SERPINE2: variants seen among roughly 807,000 people sequenced by gnomAD.
The protein encoded by SERPINE2 is glia-derived nexin.
SERPINE2 carries 14 observed loss-of-function variants against 36.3 expected under a neutral mutation model. That is an observed-to-expected ratio of 0.39 (90% CI 0.25 to 0.60). The LOEUF is 0.60. Among genes scored for constraint, SERPINE2 ranks in the 20% least tolerant of loss-of-function variants. SERPINE2 has a pLI of 0.57. For missense variants in SERPINE2, 418 were observed against 499.6 expected, an observed-to-expected ratio of 0.84 and a Z score of 1.56; for synonymous variants, 192 against 191.8, an observed-to-expected ratio of 1.00 and a Z score of -0.01.
At chr2:224,012,351 T>C (rs1691658742) in intron 1 of SERPINE2, among the ~76,000 whole-genome samples, 1 of 152,142 alleles carries the variant, frequency 6.6e-6, no homozygotes, top group Admixed American at 6.6e-5. Context: ...TAAGAACCTA[T>C]CTCTGAAGAA....
At chr2:223,999,269 C>T (rs999252363) in intron 2 of SERPINE2, among the ~76,000 whole-genome samples, 1 of 152,058 alleles carries the variant, frequency 6.6e-6, no homozygotes, top group African/African-American at 2.4e-5. Flanking sequence ...CATACATGCT[C>T]CATTTAGTTT....
chr2:224,023,798 C>G (rs1692090134), intron 1 of SERPINE2, among the ~76,000 whole-genome samples: 1 of 152,196 alleles, frequency 6.6e-6, no homozygotes, highest in African/African-American at 2.4e-5. Context: ...AATCCTGTGA[C>G]ACTGGGTAGA....
chr2:223,981,117 T>A (rs985866636), intron 6 of SERPINE2: 1 of 152,136 alleles, frequency 6.6e-6, no homozygotes, highest in African/African-American at 2.4e-5. Flanking sequence ...GGGACATAGG[T>A]CTGGATGCAA....
chr2:224,023,466 A>G (rs191930684), intron 1 of SERPINE2, among the ~76,000 whole-genome samples: 1 of 152,318 alleles, frequency 6.6e-6, no homozygotes, highest in Admixed American at 6.5e-5. Context: ...TTCCCAGAGC[A>G]ATAGAGGGAA....
At chr2:224,022,351 A>T (rs1363559986) in intron 1 of SERPINE2, among the ~76,000 whole-genome samples, 1 of 149,344 alleles carries the variant, frequency 6.7e-6, no homozygotes, top group Non-Finnish European at 1.5e-5. Flanking sequence ...AAAAAAAAAA[A>T]ATTTAAAGTT....
At chr2:224,038,026 T>TA (rs1692585614) in intron 1 of SERPINE2, among the ~76,000 whole-genome samples, 1 of 152,206 alleles carries the variant, frequency 6.6e-6, no homozygotes, top group Non-Finnish European at 1.5e-5. Flanking sequence ...GACCTTCAGA[T>TA]AGTGTTGAAA....
At chr2:223,980,189 T>A in intron 7 of SERPINE2, 122 bp downstream of exon 7, 1 of 766,910 alleles carries the variant, frequency 1.3e-6, no homozygotes, top group East Asian at 2.7e-5. Context: ...TCCTGAGGGT[T>A]AACCCACACA....
intron 1 of SERPINE2, among the ~76,000 whole-genome samples, chr2:224,005,066 TA>T (rs1198524186): frequency 1.3e-4 from 11 of 86,462 alleles, no homozygotes; most frequent in African/African-American, 1.1e-3. Context: ...TTATATATAT[TA>T]TATATATATA....
chr2:224,018,138 A>C (rs1691862951), intron 1 of SERPINE2, among the ~76,000 whole-genome samples: 1 of 152,192 alleles, frequency 6.6e-6, no homozygotes, highest in Admixed American at 6.5e-5. Context: ...CTCCATCGAC[A>C]GCCCTGATGA....
At position 223,982,687 on chromosome 2, in the gene SERPINE2, T is replaced by G; in HGVS notation, c.979A>C (p.Ile327Leu). ...FDSSKANFAKITRSENLHVSH... is the reference protein window; with the variant it reads ...FDSSKANFAKLTRSENLHVSH... Reference sequence around the variant, plus strand: ...CATTTTAAATTGAACATACTTGTTATTTTTGCAAAATTTGCCTTTGATGAA... The same window carrying G: ...CATTTTAAATTGAACATACTTGTTAGTTTTGCAAAATTTGCCTTTGATGAA... The change falls in exon 6 of 9, where the codon ATA (isoleucine) becomes CTA (leucine). Residue 327 changes from isoleucine to leucine, a missense_variant. Physicochemically the swap from Ile to Leu is conservative, Grantham distance 5. Transcript: ENST00000409304. The G allele has an allele frequency of 6.2e-7, 1 of 1,608,646 alleles. No individual in the cohort carries two copies. The highest frequency in any genetic ancestry group is 8.5e-7 in the Non-Finnish European group (1 of 1,175,870).
chr2:224,032,631 A>T (rs1221134327), intron 1 of SERPINE2, among the ~76,000 whole-genome samples: 2 of 152,256 alleles, frequency 1.3e-5, no homozygotes, highest in Admixed American at 1.3e-4. Flanking sequence ...AAAGAATTAA[A>T]TAAGAAAAAT....
chr2:224,031,765 C>G (rs977460815), intron 1 of SERPINE2, among the ~76,000 whole-genome samples: 8 of 149,388 alleles, frequency 5.4e-5, no homozygotes, highest in African/African-American at 9.9e-5. Context: ...CCCCACCCCC[C>G]CCGCCGGCTG....
intron 5 of SERPINE2, 33 bp downstream of exon 5, chr2:223,984,719 C>T: frequency 6.3e-7 from 1 of 1,597,076 alleles, no homozygotes; most frequent in Non-Finnish European, 8.5e-7. Context: ...TGAATAATGC[C>T]ACTGTTTTCT....
rs1466216106 is a variant in SERPINE2, at chr2:223,984,947, G to A, written c.689C>T (p.Ser230Leu). ...LAQLSVFRCG[S>L]TSAPNDLWYN... The stretch of plus-strand genomic sequence containing the variant: ...CCATAAATCATTGGGGGCACTTGTC[G>A]ACCCTAAAGAAATCAGAAGCAGGTT... The change falls in exon 5 of 9, where the codon TCG (serine) becomes TTG (leucine). Residue 230 changes from serine to leucine, a missense_variant. Ser to Leu is a moderately radical substitution (Grantham distance 145, BLOSUM62 -2). Coordinates refer to ENST00000409304, the MANE Select transcript of SERPINE2 (RefSeq NM_001136528.2). 7.4e-6 allele frequency: 12 copies of A among 1,613,978 alleles called. No homozygotes were observed. The highest frequency in any genetic ancestry group is 1.3e-5 in the African/African-American group (1 of 74,910).
chr2:224,001,697 C>G lies in SERPINE2; in HGVS notation c.204G>C (p.Gly68=). 1 of 1,614,202 alleles carries G rather than the reference C, an allele frequency of 6.2e-7. No homozygotes were observed. Among genetic ancestry groups the G allele is most frequent in the Non-Finnish European group, 8.5e-7 (1 of 1,180,046 alleles). The change falls in exon 2 of 9, where the codon GGG becomes GGC. Residue 68 remains glycine (G), a synonymous_variant. Coordinates refer to ENST00000409304, the MANE Select transcript of SERPINE2 (RefSeq NM_001136528.2). ...GCTGCTTCTTGGTCCTGCCGTCCGC[C>G]CCCAGCTGAAGCATCCCCAGGACCG... ...IASVLGMLQL[G]ADGRTKKQLA... is the part of the protein sequence containing the mutation.
chr2:224,019,437 G>A (rs968393282), intron 1 of SERPINE2, among the ~76,000 whole-genome samples: 22 of 152,164 alleles, frequency 1.4e-4, no homozygotes, highest in Admixed American at 7.2e-4. Context: ...TTTACAGAAC[G>A]TGGTTGGTTC....
intron 1 of SERPINE2, among the ~76,000 whole-genome samples, chr2:224,034,992 T>G (rs541732996): frequency 6.6e-6 from 1 of 152,342 alleles, no homozygotes; most frequent in Admixed American, 6.5e-5. Flanking sequence ...TGATATGACA[T>G]GGCCACTCCT....
rs1553547022 is a variant in SERPINE2 at position 224,005,065 on chromosome 2, T to TTATATATTTATATATATATATA, written c.-22-3144_-22-3143insTATATATATATATAAATATATA. Among the ~76,000 whole-genome samples, 120 of 33,500 alleles carry TTATATATTTATATATATATATA rather than the reference T, an allele frequency of 3.6e-3. 3 individuals are homozygous for TTATATATTTATATATATATATA. The highest frequency in any genetic ancestry group is 0.016 in the Middle Eastern group (1 of 62). 22.0% of individuals were successfully genotyped at this position (33,500 alleles called of 152,430 possible). On this transcript the variant is annotated intron_variant, in intron 1 of 8. Transcript: ENST00000409304. ...ATATATTTTATATATTTTATATATA[T>TTATATATTTATATATATATATA]TATATATATATATATATATATATAT...
At chr2:224,031,759 A>ACCCCCCCCG (rs1692386630) in intron 1 of SERPINE2, among the ~76,000 whole-genome samples, 2 of 93,686 alleles carry the variant, frequency 2.1e-5, no homozygotes, top group African/African-American at 7.4e-5. Flanking sequence ...TCCACCCCCC[A>ACCCCCCCCG]CCCCCCCCGC....
Sources: gnomAD v4.1 joint callset for allele counts (sites outside exome capture counted in the v4.1 genomes callset) on GRCh38, gnomAD v4.1.1 for gene constraint, MANE v1.5 for transcripts, NCBI Gene and HGNC (gene_info 2026-07-23, HGNC 2026-07-21) for gene names.